The following CYFIP1 variants were observed in gnomAD, a reference collection of about 807,000 sequenced individuals.
The protein encoded by CYFIP1 is cytoplasmic FMR1 interacting protein 1, also known as cytoplasmic FMR1-interacting protein 1.
In CYFIP1, 58 loss-of-function variants were observed where a neutral mutation model predicts 163.5. That is an observed-to-expected ratio of 0.35 (90% CI 0.29 to 0.44). CYFIP1 has a LOEUF of 0.44. Among genes scored for constraint, CYFIP1 ranks in the 20% least tolerant of loss-of-function variants. The pLI, the probability that CYFIP1 is intolerant of heterozygous loss-of-function variation, is 1.00. For missense variants in CYFIP1, 1,338 were observed against 1,653.8 expected (o/e 0.81, Z 3.31); for synonymous variants, 663 against 660.7 (o/e 1.00, Z -0.05).
chr15:22,939,089 A>AT lies in CYFIP1; in HGVS notation c.795+102dup. The AT allele has an allele frequency of 2.1e-6, 3 of 1,446,860 alleles. No individual in the cohort carries two copies. In the South Asian group the frequency reaches 3.8e-5, roughly 18 times the overall value. 89.6% of individuals were successfully genotyped at this position (1,446,860 alleles called of 1,614,324 possible). ...GCTGTTCACACATGACAGCATGCAA[A>AT]TAAGACACAGCTGTCAAAAGGATTC... On this transcript the variant is annotated intron_variant, in intron 8 of 30. Coordinates refer to ENST00000617928, the MANE Select transcript of CYFIP1 (RefSeq NM_014608.6).
chr15:22,878,091 G>A (rs760598822), intron 26 of CYFIP1, among the ~76,000 whole-genome samples: 5 of 152,200 alleles, frequency 3.3e-5, no homozygotes, highest in Non-Finnish European at 7.3e-5. Context: ...ACAAGAGACT[G>A]CTTTGGGAAA....
chr15:22,952,698 A>T (rs1595693692), intron 1 of CYFIP1, among the ~76,000 whole-genome samples: 2 of 80,798 alleles, frequency 2.5e-5, no homozygotes, highest in African/African-American at 8.0e-5. Flanking sequence ...GGTAAAGTTT[A>T]TGTTATGCAT....
chr15:22,976,324 A>G (rs963855090), intron 1 of CYFIP1, among the ~76,000 whole-genome samples: 2 of 151,986 alleles, frequency 1.3e-5, no homozygotes, highest in Non-Finnish European at 2.9e-5. Context: ...TGCCCAACTA[A>G]TTTTTGTATT....
chr15:22,953,236 C>T (rs1459628074), intron 1 of CYFIP1, among the ~76,000 whole-genome samples: 2 of 152,208 alleles, frequency 1.3e-5, no homozygotes, highest in Admixed American at 6.5e-5. Flanking sequence ...ACAGAGCCAG[C>T]GTGGGGGCCC....
intron 22 of CYFIP1, among the ~76,000 whole-genome samples, chr15:22,903,320 C>T (rs957265276): frequency 3.9e-5 from 6 of 152,100 alleles, no homozygotes; most frequent in Admixed American, 2.0e-4. Flanking sequence ...AGGATACTGC[C>T]AGCATCCACC....
intron 26 of CYFIP1, among the ~76,000 whole-genome samples, chr15:22,876,924 G>A (rs993431232): frequency 2.0e-5 from 3 of 152,082 alleles, no homozygotes; most frequent in African/African-American, 7.2e-5. Flanking sequence ...CAGCCCTAAG[G>A]GGTCTCTGAC....
At chr15:22,908,367 C>T (rs1013515483) in intron 21 of CYFIP1, among the ~76,000 whole-genome samples, 8 of 152,044 alleles carry the variant, frequency 5.3e-5, no homozygotes, top group Non-Finnish European at 8.8e-5. Flanking sequence ...AACACACATC[C>T]TCACTGGGAA....
intron 1 of CYFIP1, among the ~76,000 whole-genome samples, chr15:22,967,422 G>A (rs1772739447): frequency 6.6e-6 from 1 of 152,190 alleles, no homozygotes; most frequent in Admixed American, 6.5e-5. Flanking sequence ...CCACCATGTA[G>A]TCTTGGCTAA....
Position 22,909,323 on chromosome 15 carries a change from A to G in CYFIP1, c.2269-10T>C, listed in dbSNP as rs746421243. 6.8e-6 allele frequency: 11 copies of G among 1,613,962 alleles called. No homozygotes were observed. The East Asian group carries it at 2.5e-4, about 36-fold the overall frequency. Reference sequence around the variant, plus strand: ...TTGATCTGCCGAGGAGCTGGCGTACACAGGGAAGGATGGCAGGTAAAGAGT... The same window carrying G: ...TTGATCTGCCGAGGAGCTGGCGTACGCAGGGAAGGATGGCAGGTAAAGAGT... On this transcript the variant is annotated splice_polypyrimidine_tract_variant and intron_variant, in intron 20 of 30. Transcript: ENST00000617928.
At chr15:22,973,596 G>A (rs1417997123) in intron 1 of CYFIP1, among the ~76,000 whole-genome samples, 3 of 152,074 alleles carry the variant, frequency 2.0e-5, no homozygotes, top group African/African-American at 7.2e-5. Flanking sequence ...TGGCATCAGC[G>A]TTTTCAGATT....
intron 1 of CYFIP1, among the ~76,000 whole-genome samples, chr15:22,966,419 G>A (rs1423611071): frequency 4.0e-5 from 6 of 149,930 alleles, no homozygotes; most frequent in South Asian, 2.1e-4. Context: ...TGCACACAGA[G>A]AGAAGACCAC....
rs1301229750 is a variant in CYFIP1 at position 22,933,225 on chromosome 15, G to T, written c.992+577C>A. ...ATCCCTAGGATGATGAAAGTGTTCT[G>T]TATCTGTGCTGTCCAACACAGTAGC... On this transcript the variant is annotated intron_variant, in intron 10 of 30. Coordinates refer to ENST00000617928, the MANE Select transcript of CYFIP1 (RefSeq NM_014608.6). Among the ~76,000 whole-genome samples the T allele has an allele frequency of 2.0e-5, 3 of 152,016 alleles. No homozygotes were observed. In the East Asian group the frequency reaches 5.8e-4, roughly 29 times the overall value.
At chr15:22,902,329 G>A (rs1215742363) in intron 22 of CYFIP1, among the ~76,000 whole-genome samples, 4 of 152,178 alleles carry the variant, frequency 2.6e-5, no homozygotes, top group African/African-American at 7.2e-5. Flanking sequence ...TGTGGGGAAG[G>A]AGGCGCCTGG....
chr15:22,900,441 C>T (rs1472121648), intron 22 of CYFIP1, among the ~76,000 whole-genome samples: 2 of 150,622 alleles, frequency 1.3e-5, no homozygotes, highest in African/African-American at 2.4e-5. Context: ...CTCTGTCGCC[C>T]AGGGTGGAGT....
At chr15:22,891,654 C>T (rs187882758) in intron 23 of CYFIP1, among the ~76,000 whole-genome samples, 1 of 152,314 alleles carries the variant, frequency 6.6e-6, no homozygotes, top group Admixed American at 6.5e-5. Flanking sequence ...GCAGCGTATG[C>T]CGAGGCTTGG....
At chr15:22,913,162 C>T (rs1182258001) in intron 17 of CYFIP1, among the ~76,000 whole-genome samples, 1 of 151,514 alleles carries the variant, frequency 6.6e-6, no homozygotes, top group Non-Finnish European at 1.5e-5. Context: ...CACCACTGCA[C>T]TCCAGCCTGG....
At chr15:22,956,827 C>A (rs1045378528) in intron 1 of CYFIP1, among the ~76,000 whole-genome samples, 1 of 152,248 alleles carries the variant, frequency 6.6e-6, no homozygotes, top group African/African-American at 2.4e-5. Flanking sequence ...ACAGGGACAA[C>A]GTGCACTGCC....
chr15:22,924,740 A>G (rs1381250867), intron 13 of CYFIP1, among the ~76,000 whole-genome samples: 7 of 152,210 alleles, frequency 4.6e-5, no homozygotes, highest in Non-Finnish European at 1.0e-4. Context: ...TACCAAAATA[A>G]GATGAGAATT....
chr15:22,883,613 G>C (rs7181119), intron 23 of CYFIP1, among the ~76,000 whole-genome samples: 99,219 of 151,864 alleles, frequency 0.65, 33,432 homozygotes, highest in South Asian at 0.74. Context: ...GTCAGGAGAT[G>C]GAGACCATCC....
Sources: gnomAD v4.1 joint callset for allele counts (sites outside exome capture counted in the v4.1 genomes callset) on GRCh38, gnomAD v4.1.1 for gene constraint, MANE v1.5 for transcripts, NCBI Gene and HGNC (gene_info 2026-07-23, HGNC 2026-07-21) for gene names.